ARHGEF18: variants seen among roughly 807,000 people sequenced by gnomAD.
The protein encoded by ARHGEF18 is Rho/Rac guanine nucleotide exchange factor 18, also known as rho guanine nucleotide exchange factor 18.
In ARHGEF18, 93 loss-of-function variants were observed where a neutral mutation model predicts 155.7. That is an observed-to-expected ratio of 0.60 (90% CI 0.50 to 0.71). The LOEUF (loss-of-function observed/expected upper bound fraction) is 0.71. Ranked by LOEUF, ARHGEF18 falls within the 30% of genes least tolerant of loss-of-function variation. ARHGEF18 has a pLI of 0.00. For synonymous variants in ARHGEF18, 742 were observed against 753.1 expected, an observed-to-expected ratio of 0.99 and a Z score of 0.24; for missense variants, 1,593 against 1,816.1, an observed-to-expected ratio of 0.88 and a Z score of 2.23.
At chr19:7,460,674 G>A (rs1048562996) in intron 20 of ARHGEF18, among the ~76,000 whole-genome samples, 3 of 152,160 alleles carry the variant, frequency 2.0e-5, no homozygotes, top group Non-Finnish European at 4.4e-5. Context: ...CTCTCGAGGT[G>A]TGGTATTAAG....
At chr19:7,406,890 T>C (rs1178621681) in intron 10 of ARHGEF18, among the ~76,000 whole-genome samples, 5 of 145,492 alleles carry the variant, frequency 3.4e-5, no homozygotes, top group Non-Finnish European at 7.6e-5. Context: ...CCGTCTCTAC[T>C]AAAAAAAAAC....
At chr19:7,387,008 C>T (rs1405279481) in intron 10 of ARHGEF18, among the ~76,000 whole-genome samples, 1 of 152,090 alleles carries the variant, frequency 6.6e-6, no homozygotes, top group Non-Finnish European at 1.5e-5. Context: ...TCTGCTGTGT[C>T]CCTGCGTTTT....
chr19:7,424,455 C>T (rs1163157760), intron 10 of ARHGEF18, among the ~76,000 whole-genome samples: 2 of 152,184 alleles, frequency 1.3e-5, no homozygotes, highest in African/African-American at 4.8e-5. Context: ...AAAATCTCGT[C>T]TCACGGAGGC....
Position 7,471,015 on chromosome 19 carries a change from G to C in ARHGEF18, c.*717G>C, listed in dbSNP as rs1051300531. The C allele has an allele frequency of 2.5e-6, 1 of 392,274 alleles. No homozygotes were observed. The highest frequency in any genetic ancestry group is 4.5e-6 in the Non-Finnish European group (1 of 221,830). The allele number at this position is 392,274 out of a possible 1,614,324, so 24.3% of individuals were successfully genotyped here. A position where few individuals can be genotyped will look rare whatever the true frequency, so the allele number is the denominator to read the frequency against. On this transcript the variant is annotated 3_prime_UTR_variant, in exon 29 of 29. Transcript: ENST00000668164. The surrounding 1 kb of genome is among the most constrained non-coding windows in gnomAD (Gnocchi z 4.4). The stretch of plus-strand genomic sequence containing the variant: ...GCTGACCTTTGCCCCTTTTTACTTG[G>C]CATTGGTTTTGAAACCAGCTGTTTC...
At position 7,469,979 on chromosome 19, in the gene ARHGEF18, G is replaced by C; in HGVS notation, c.3863G>C (p.Arg1288Pro). ...GKDESTSRNR[R>P]SLSPILPGRH... ...GATGAGAGCACCTCACGGAACCGCC[G>C]CTCGCTGAGCCCTATCCTGCCCGGC... Residue 1288 changes from arginine (R) to proline (P), a missense_variant, in exon 28 of 29, where the codon CGC becomes CCC. Physicochemically the swap from Arg to Pro is moderately radical, Grantham distance 103 (BLOSUM62 -2). Transcript: ENST00000668164. 6.2e-7 allele frequency: 1 copy of C among 1,613,134 alleles called. No homozygotes were observed. The highest frequency in any genetic ancestry group is 8.5e-7 in the Non-Finnish European group (1 of 1,179,900).
chr19:7,389,364 T>G (rs1464011799), intron 10 of ARHGEF18, among the ~76,000 whole-genome samples: 2 of 148,304 alleles, frequency 1.3e-5, no homozygotes, highest in Non-Finnish European at 3.0e-5. Flanking sequence ...TTTGTCACAT[T>G]GCCCAAGTTG....
chr19:7,395,107 G>T lies in ARHGEF18; in HGVS notation c.967+11904G>T, dbSNP rs748402053. On this transcript the variant is annotated intron_variant, in intron 10 of 28. Coordinates refer to ENST00000668164, the MANE Select transcript of ARHGEF18 (RefSeq NM_001367823.1). The surrounding 1 kb of genome is among the most constrained non-coding windows in gnomAD (Gnocchi z 5.0). ...TCCGAGGCGGGATCGCGCATGCGCT[G>T]CTCTCCTCGCGCGGCTTCCCGCTTC... 5.1e-6 allele frequency: 5 copies of T among 985,534 alleles called. No individual in the cohort carries two copies. Among genetic ancestry groups the T allele is most frequent in the Non-Finnish European group, 4.8e-6 (4 of 829,994 alleles). The allele number at this position is 985,534 out of a possible 1,614,324, so 61.0% of individuals were successfully genotyped here.
At chr19:7,396,355 G>T in intron 10 of ARHGEF18, among the ~76,000 whole-genome samples, 1 of 152,116 alleles carries the variant, frequency 6.6e-6, no homozygotes, top group East Asian at 1.9e-4. Context: ...GGACAGTATA[G>T]ACAGCCCAGT....
chr19:7,444,251 C>T lies in ARHGEF18; in HGVS notation c.1408C>T (p.Leu470=), dbSNP rs766529135. 4.3e-6 allele frequency: 7 copies of T among 1,613,666 alleles called. No individual in the cohort carries two copies. The highest frequency in any genetic ancestry group is 5.9e-6 in the Non-Finnish European group (7 of 1,180,038). The part of the protein sequence containing the change: ...VHHVRTLKIM[L]KVYSRALQEE... ...CCACGTGCGGACGCTCAAGATCATG[C>T]TGAAGGTGTACTCCAGGGCCCTGCA... Residue 470 remains leucine (L), a synonymous_variant, in exon 14 of 29, where the codon CTG becomes TTG. Transcript: ENST00000668164. The surrounding 1 kb of genome is among the most constrained non-coding windows in gnomAD (Gnocchi z 4.7).
At position 7,468,379 on chromosome 19, in the gene ARHGEF18, TA is replaced by T. The variant is rs75289003; in HGVS notation, c.3481-436del. Among the ~76,000 whole-genome samples, 341 of 148,854 alleles carry T rather than the reference TA, an allele frequency of 2.3e-3. 1 individual carries two copies. The highest frequency in any genetic ancestry group is 7.0e-3 in the African/African-American group (285 of 40,782). ...GGGCCACGTAGTGAGACCTCATCTC[TA>T]AAAAAAAAATGCAAAAATTAGCAGG... On this transcript the variant is annotated intron_variant, in intron 26 of 28. Transcript: ENST00000668164.
chr19:7,433,905 G>T (rs1905138923), intron 10 of ARHGEF18, among the ~76,000 whole-genome samples: 1 of 151,556 alleles, frequency 6.6e-6, no homozygotes, highest in Admixed American at 6.6e-5. Context: ...TGTAATTCCA[G>T]CTACTCGAGG....
intron 2 of ARHGEF18, among the ~76,000 whole-genome samples, chr19:7,367,998 A>G (rs547325365): frequency 0.037 from 2,552 of 69,552 alleles, 220 homozygotes; most frequent in African/African-American, 0.16. Flanking sequence ...AGAGAGAGAG[A>G]GAGGGAGGGA....
Position 7,444,978 on chromosome 19 carries a change from C to T in ARHGEF18, c.1611+524C>T, listed in dbSNP as rs916293201. Among the ~76,000 whole-genome samples the T allele has an allele frequency of 6.6e-6, 1 of 152,168 alleles. No individual in the cohort carries two copies. The highest frequency in any genetic ancestry group is 2.4e-5 in the African/African-American group (1 of 41,420). On this transcript the variant is annotated intron_variant, in intron 14 of 28. Coordinates refer to ENST00000668164, the MANE Select transcript of ARHGEF18 (RefSeq NM_001367823.1). The surrounding 1 kb of genome is among the most constrained non-coding windows in gnomAD (Gnocchi z 4.7). ...AAAACGAGAGTGGCCCCTGAGGACA[C>T]ACAGTTCTGGGCCCCTTACAGCGAT...
At position 7,367,818 on chromosome 19, in the gene ARHGEF18, T is replaced by TATATATATACAC. The variant is rs1252394565; in HGVS notation, c.15+4923_15+4934dup. On this transcript the variant is annotated intron_variant, in intron 2 of 28. Transcript: ENST00000668164. ...TATATATACACATATATATATTTTA[T>TATATATATACAC]ATATATATACACATATATATATTTT... 7.7e-4 allele frequency among the ~76,000 whole-genome samples: 95 copies of TATATATATACAC among 123,968 alleles called. 2 individuals are homozygous for TATATATATACAC. The highest frequency in any genetic ancestry group is 1.8e-3 in the East Asian group (9 of 5,024). 81.3% of individuals were successfully genotyped at this position (123,968 alleles called of 152,430 possible).
chr19:7,358,236 T>TCCATCCATCCATCCATCCAC (rs1568261540), intron 1 of ARHGEF18, among the ~76,000 whole-genome samples: 2 of 130,644 alleles, frequency 1.5e-5, no homozygotes, highest in Admixed American at 7.1e-5. Context: ...CATCCATCCA[T>TCCATCCATCCATCCATCCAC]CCATCCACCC....
chr19:7,441,946 G>A lies in ARHGEF18; in HGVS notation c.1254G>A (p.Glu418=). ...CCGCCTCGCTGAGGAGTGAGATTGA[G>A]TCAGACGGCCACGAGTTTGAAGCTG... ...PYTASLRSEI[E]SDGHEFEAES... is the part of the protein sequence containing the mutation. Residue 418 remains glutamate, a synonymous_variant, in exon 13 of 29, where the codon GAG becomes GAA. Coordinates refer to ENST00000668164, the MANE Select transcript of ARHGEF18 (RefSeq NM_001367823.1). The A allele has an allele frequency of 1.2e-6, 2 of 1,614,144 alleles. No individual in the cohort carries two copies. Among genetic ancestry groups the A allele is most frequent in the Non-Finnish European group, 1.7e-6 (2 of 1,180,020 alleles).
intron 10 of ARHGEF18, among the ~76,000 whole-genome samples, chr19:7,425,636 A>G (rs1367327157): frequency 2.0e-5 from 3 of 149,472 alleles, no homozygotes; most frequent in African/African-American, 7.4e-5. Context: ...GAGCTGAGAT[A>G]GCGCCACTGC....
chr19:7,438,074 C>G (rs1382073250), intron 10 of ARHGEF18, among the ~76,000 whole-genome samples: 2 of 134,962 alleles, frequency 1.5e-5, no homozygotes, highest in East Asian at 2.4e-4. Context: ...TCTCCCCTCC[C>G]CTCCCCTCCC....
At chr19:7,413,569 G>A (rs1266226283) in intron 10 of ARHGEF18, among the ~76,000 whole-genome samples, 1 of 151,574 alleles carries the variant, frequency 6.6e-6, no homozygotes, top group African/African-American at 2.4e-5. Flanking sequence ...CCAAAGTGCT[G>A]GGATTACAGG....
Sources: gnomAD v4.1 joint callset for allele counts (sites outside exome capture counted in the v4.1 genomes callset) on GRCh38, gnomAD v4.1.1 for gene constraint, Gnocchi (gnomAD v3.1) non-coding constraint, MANE v1.5 for transcripts, NCBI Gene and HGNC (gene_info 2026-07-23, HGNC 2026-07-21) for gene names.